Variants in MTUS2 observed in about 807,000 individuals in gnomAD.
MTUS2 encodes microtubule-associated tumor suppressor candidate 2.
A neutral mutation model predicts 114.1 loss-of-function variants in MTUS2; 40 were observed. The ratio of observed to expected loss-of-function variants is 0.35; its 90% CI spans 0.27 to 0.46. The LOEUF (loss-of-function observed/expected upper bound fraction) is 0.46. MTUS2 is among the 20% of genes least tolerant of loss of function. MTUS2 has a pLI of 1.00. For synonymous variants in MTUS2, 688 were observed against 672.0 expected (o/e 1.02, Z -0.37); for missense variants, 1,679 against 1,705.4 (o/e 0.98, Z 0.27).
chr13:29,072,082 C>T (rs1888966581), intron 4 of MTUS2: 2 of 152,268 alleles, frequency 1.3e-5, no homozygotes, highest in Non-Finnish European at 2.9e-5. Context: ...GCTGTCTCAT[C>T]TGCTGCAGGC....
intron 3 of MTUS2, among the ~76,000 whole-genome samples, chr13:29,031,272 T>TGTGTGTG (rs1593400903): frequency 2.2e-5 from 3 of 134,212 alleles, no homozygotes; most frequent in South Asian, 5.0e-4. Flanking sequence ...GTGTGTGTGG[T>TGTGTGTG]GTGTGTTCAC....
intron 5 of MTUS2, among the ~76,000 whole-genome samples, chr13:29,238,955 T>C (rs139848751): frequency 1.1e-3 from 169 of 152,074 alleles, no homozygotes; most frequent in African/African-American, 3.9e-3. Context: ...GGATGGAGGG[T>C]GGGGTAAATG....
chr13:28,964,547 T>C (rs530426197), intron 2 of MTUS2, among the ~76,000 whole-genome samples: 1 of 152,006 alleles, frequency 6.6e-6, no homozygotes, highest in Non-Finnish European at 1.5e-5. Flanking sequence ...TGCCTGGCAC[T>C]TGAGAGGTAC....
chr13:29,103,818 T>C (rs953638980), intron 5 of MTUS2, among the ~76,000 whole-genome samples: 5 of 152,270 alleles, frequency 3.3e-5, no homozygotes, highest in Admixed American at 6.5e-5. Flanking sequence ...ATTTGCAAAG[T>C]ATAATTCATA....
chr13:28,999,604 A>G (rs1299613146), intron 2 of MTUS2, among the ~76,000 whole-genome samples: 1 of 152,178 alleles, frequency 6.6e-6, no homozygotes, highest in Non-Finnish European at 1.5e-5. Context: ...AGTCACAAAC[A>G]TTTGTCATTC....
chr13:29,410,790 T>C (rs1875169376), intron 8 of MTUS2, among the ~76,000 whole-genome samples: 1 of 149,858 alleles, frequency 6.7e-6, no homozygotes, highest in Non-Finnish European at 1.5e-5. Flanking sequence ...GTCATAGTTA[T>C]AAAGTCATTC....
chr13:28,971,954 C>A (rs1425057561), intron 2 of MTUS2, among the ~76,000 whole-genome samples: 1 of 152,200 alleles, frequency 6.6e-6, no homozygotes, highest in Non-Finnish European at 1.5e-5. Context: ...CTGGACAATT[C>A]ATGGTAACAC....
chr13:29,159,673 G>A (rs951010180), intron 5 of MTUS2, among the ~76,000 whole-genome samples: 14 of 151,762 alleles, frequency 9.2e-5, no homozygotes, highest in Admixed American at 7.9e-4. Context: ...CAATTAGAAC[G>A]TAGATAAGAG....
At chr13:29,436,268 G>A (rs1877399412) in intron 8 of MTUS2, among the ~76,000 whole-genome samples, 2 of 152,190 alleles carry the variant, frequency 1.3e-5, no homozygotes, top group Non-Finnish European at 2.9e-5. Context: ...CGTGTTTGAT[G>A]AAGAGTGTGG....
intron 1 of MTUS2, among the ~76,000 whole-genome samples, chr13:28,823,832 C>G (rs765156453): frequency 6.6e-6 from 1 of 151,908 alleles, no homozygotes; most frequent in Non-Finnish European, 1.5e-5. Context: ...CATAGAATCA[C>G]GGTGGAAGGG....
intron 5 of MTUS2, among the ~76,000 whole-genome samples, chr13:29,170,052 A>C (rs768602734): frequency 1.5e-4 from 8 of 51,668 alleles, no homozygotes; most frequent in Non-Finnish European, 2.6e-4. Flanking sequence ...TGATGAGAGC[A>C]TGGAGAAAGA....
intron 2 of MTUS2, among the ~76,000 whole-genome samples, chr13:28,926,290 A>G (rs1593305698): frequency 6.6e-6 from 1 of 152,236 alleles, no homozygotes; most frequent in South Asian, 2.1e-4. Context: ...GTAATAAAAA[A>G]TCAATTAAAA....
chr13:29,247,755 T>G (rs186369236), intron 5 of MTUS2, among the ~76,000 whole-genome samples: 1 of 152,266 alleles, frequency 6.6e-6, no homozygotes, highest in Non-Finnish European at 1.5e-5. Flanking sequence ...AAATAATAGA[T>G]GTTAACATGG....
At chr13:28,883,624 T>G (rs1232208499) in intron 2 of MTUS2, among the ~76,000 whole-genome samples, 1 of 152,052 alleles carries the variant, frequency 6.6e-6, no homozygotes, top group East Asian at 1.9e-4. Flanking sequence ...GAACAGATAG[T>G]GGTTGCCAGG....
rs531310008 is a variant in MTUS2, at chr13:28,881,990, G to A, written c.-243+42140G>A. 7.9e-4 allele frequency among the ~76,000 whole-genome samples: 120 copies of A among 152,284 alleles called. 2 individuals are homozygous for A. In the South Asian group the frequency reaches 0.024, roughly 31 times the overall value. ...ATAATCTTTTCAACAAATGGTGCTAGGACAATAGGATATCCATGTGCAGAA... is the reference window on the plus strand; with the variant it reads ...ATAATCTTTTCAACAAATGGTGCTAAGACAATAGGATATCCATGTGCAGAA... On this transcript the variant is annotated intron_variant, in intron 2 of 15. Coordinates refer to ENST00000612955, the MANE Select transcript of MTUS2 (RefSeq NM_001033602.4).
chr13:29,473,582 G>A (rs1490340729), intron 9 of MTUS2, among the ~76,000 whole-genome samples: 1 of 152,132 alleles, frequency 6.6e-6, no homozygotes, highest in Non-Finnish European at 1.5e-5. Context: ...ATATGTCGGA[G>A]GATGTTCAGA....
chr13:29,212,224 TAG>T (rs1895471479), intron 5 of MTUS2, among the ~76,000 whole-genome samples: 1 of 152,216 alleles, frequency 6.6e-6, no homozygotes, highest in Admixed American at 6.5e-5. Flanking sequence ...GTGTATTGTT[TAG>T]TTTGCACATA....
At chr13:29,435,779 A>G (rs1877358853) in intron 8 of MTUS2, among the ~76,000 whole-genome samples, 1 of 152,202 alleles carries the variant, frequency 6.6e-6, no homozygotes, top group African/African-American at 2.4e-5. Context: ...AGAAGAGTTG[A>G]TATCATTTCA....
chr13:29,193,769 A>G lies in MTUS2; in HGVS notation c.2645-87935A>G, dbSNP rs922439951. ...TTTAAAGTTCATGTGGAACCAAAAA[A>G]GAGCCCTCATTGCCAAGTCAATCCT... On this transcript the variant is annotated intron_variant, in intron 5 of 15. Transcript: ENST00000612955. Among the ~76,000 whole-genome samples the G allele has an allele frequency of 4.7e-4, 72 of 152,258 alleles. 1 individual carries two copies. Among genetic ancestry groups the G allele is most frequent in the Non-Finnish European group, 7.9e-4 (54 of 68,016 alleles).
Sources: gnomAD v4.1 joint callset for allele counts (sites outside exome capture counted in the v4.1 genomes callset) on GRCh38, gnomAD v4.1.1 for gene constraint, MANE v1.5 for transcripts, NCBI Gene and HGNC (gene_info 2026-07-23, HGNC 2026-07-21) for gene names.